DNAJC3: variants seen among roughly 807,000 people sequenced by gnomAD.
DNAJC3 encodes DnaJ heat shock protein family (Hsp40) member C3.
DNAJC3 carries 38 observed loss-of-function variants against 68.6 expected under a neutral mutation model. The observed-to-expected ratio is 0.55, with a 90% CI of 0.43 to 0.73. The LOEUF (loss-of-function observed/expected upper bound fraction) is 0.73. Among genes scored for constraint, DNAJC3 ranks in the 30% least tolerant of loss-of-function variants. The pLI is 0.00. For synonymous variants in DNAJC3, 203 were observed against 204.0 expected (o/e 1.00, Z 0.04); for missense variants, 526 against 591.9 (o/e 0.89, Z 1.16).
At chr13:95,742,488 A>T in intron 4 of DNAJC3, 1 of 416,754 alleles carries the variant, frequency 2.4e-6, no homozygotes, top group South Asian at 1.9e-5. Flanking sequence ...GGTTGAGAGG[A>T]TCTCCAGCTA....
intron 1 of DNAJC3, chr13:95,693,134 T>C (rs1440935777): frequency 6.6e-6 from 1 of 152,206 alleles, no homozygotes; most frequent in Non-Finnish European, 1.5e-5. Context: ...CCATGCCTTT[T>C]TTAAAGCTAT....
chr13:95,739,916 TTC>T (rs1882068053), intron 4 of DNAJC3, among the ~76,000 whole-genome samples: 1 of 152,186 alleles, frequency 6.6e-6, no homozygotes, highest in Non-Finnish European at 1.5e-5. Flanking sequence ...AGTTTTTCTG[TTC>T]TGTTTTTTCC....
chr13:95,753,661 C>T (rs1485537766), intron 4 of DNAJC3, among the ~76,000 whole-genome samples: 1 of 152,146 alleles, frequency 6.6e-6, no homozygotes, highest in Non-Finnish European at 1.5e-5. Context: ...GGACCTTAAT[C>T]ACTGTAACTT....
chr13:95,790,792 C>CAACAAA, intron 11 of DNAJC3, 81 bp from the exon 12 acceptor site: 1 of 1,416,378 alleles, frequency 7.1e-7, no homozygotes, highest in Non-Finnish European at 9.6e-7. Context: ...CCCACCCACC[C>CAACAAA]TCCTCTGCCC....
At chr13:95,764,872 T>C (rs948118815) in intron 9 of DNAJC3, among the ~76,000 whole-genome samples, 2 of 151,516 alleles carry the variant, frequency 1.3e-5, no homozygotes, top group African/African-American at 4.8e-5. Flanking sequence ...ATTGCAAATA[T>C]TTTGTTTCAA....
At chr13:95,722,473 A>G (rs916509977) in intron 2 of DNAJC3, among the ~76,000 whole-genome samples, 1 of 152,032 alleles carries the variant, frequency 6.6e-6, no homozygotes, top group Admixed American at 6.6e-5. Flanking sequence ...TGCATACTTA[A>G]CAAAAGTTAT....
chr13:95,779,684 A>G (rs944215006), intron 9 of DNAJC3, among the ~76,000 whole-genome samples: 3 of 151,848 alleles, frequency 2.0e-5, no homozygotes, highest in Non-Finnish European at 4.4e-5. Context: ...CCTCCTCGTC[A>G]TCTGGTCTCT....
intron 10 of DNAJC3, 124 bp from the exon 11 acceptor site, chr13:95,786,883 T>C (rs1263710790): frequency 4.3e-6 from 5 of 1,150,456 alleles, no homozygotes; most frequent in Non-Finnish European, 6.1e-6. Context: ...TGTGATACCA[T>C]TGGAACTATT....
At chr13:95,789,068 G>T (rs182654552) in intron 11 of DNAJC3, among the ~76,000 whole-genome samples, 1 of 152,200 alleles carries the variant, frequency 6.6e-6, no homozygotes, top group African/African-American at 2.4e-5. Context: ...AGAGAGCAAA[G>T]CGAGACTTGG....
At chr13:95,740,610 A>G in intron 4 of DNAJC3, among the ~76,000 whole-genome samples, 1 of 152,126 alleles carries the variant, frequency 6.6e-6, no homozygotes, top group Non-Finnish European at 1.5e-5. Flanking sequence ...TTGACTCAGA[A>G]AGGGAACTCC....
chr13:95,737,561 T>C (rs1881967549), intron 4 of DNAJC3, among the ~76,000 whole-genome samples: 1 of 152,072 alleles, frequency 6.6e-6, no homozygotes, highest in South Asian at 2.1e-4. Context: ...AGAGTGTATG[T>C]GTCCAGGAAT....
At chr13:95,691,196 ACC>A (rs533780086) in intron 1 of DNAJC3, among the ~76,000 whole-genome samples, 2 of 137,834 alleles carry the variant, frequency 1.5e-5, no homozygotes, top group Non-Finnish European at 3.1e-5. Flanking sequence ...CAGGCGGCTG[ACC>A]CCCCCACCTC....
chr13:95,709,444 A>ATTT, intron 2 of DNAJC3, 107 bp downstream of exon 2: 1 of 770,490 alleles, frequency 1.3e-6, no homozygotes, highest in Non-Finnish European at 2.0e-6. Flanking sequence ...ATGTTTAAAT[A>ATTT]AAACATTTAA....
In DNAJC3 at chr13:95,678,246, T is replaced by C. The variant is rs548577256; in HGVS notation, c.82+909T>C. ...CATCACATGCACTGATCTATTTTCATCCCCATAAAAAGGGCTAGTTGTCAA... is the reference window on the plus strand; with the variant it reads ...CATCACATGCACTGATCTATTTTCACCCCCATAAAAAGGGCTAGTTGTCAA... On this transcript the variant is annotated intron_variant, in intron 1 of 11. Coordinates refer to ENST00000602402, the MANE Select transcript of DNAJC3 (RefSeq NM_006260.5). 1.5e-3 allele frequency among the ~76,000 whole-genome samples: 235 copies of C among 152,268 alleles called. 1 individual carries two copies. Among genetic ancestry groups the C allele is most frequent in the African/African-American group, 5.5e-3 (229 of 41,544 alleles).
chr13:95,737,129 A>G (rs1157139058), intron 4 of DNAJC3, among the ~76,000 whole-genome samples: 1 of 149,562 alleles, frequency 6.7e-6, no homozygotes, highest in Non-Finnish European at 1.5e-5. Flanking sequence ...ACATTTATTG[A>G]TTTGCGTATA....
At chr13:95,788,359 C>T (rs571550332) in intron 11 of DNAJC3, among the ~76,000 whole-genome samples, 17 of 152,304 alleles carry the variant, frequency 1.1e-4, no homozygotes, top group African/African-American at 2.9e-4. Flanking sequence ...CTTTGTGCTA[C>T]GTTTTAAGGT....
chr13:95,685,375 GA>G (rs1880046297), intron 1 of DNAJC3, among the ~76,000 whole-genome samples: 1 of 152,206 alleles, frequency 6.6e-6, no homozygotes, highest in Non-Finnish European at 1.5e-5. Flanking sequence ...TACCCTTTTG[GA>G]ATGGGACTAT....
Position 95,785,872 on chromosome 13 carries a change from A to T in DNAJC3, c.1076-67A>T, listed in dbSNP as rs539349221. ...GGATGACGACTTTAGCATCAATTTT[A>T]CAGGATAAGAAAAGGCAATAAATTA... On this transcript the variant is annotated intron_variant, in intron 9 of 11. Transcript: ENST00000602402. The T allele has an allele frequency of 1.3e-5, 19 of 1,432,686 alleles. No homozygotes were observed. In the African/African-American group the frequency reaches 2.3e-4, roughly 18 times the overall value. 88.7% of individuals were successfully genotyped at this position (1,432,686 alleles called of 1,614,324 possible). A position where few individuals can be genotyped will look rare whatever the true frequency, so the allele number is the denominator to read the frequency against.
chr13:95,715,257 G>A (rs1270230467), intron 2 of DNAJC3, among the ~76,000 whole-genome samples: 1 of 152,120 alleles, frequency 6.6e-6, no homozygotes, highest in Non-Finnish European at 1.5e-5. Flanking sequence ...AACAAAATTA[G>A]CCAGGCATGG....
Sources: allele counts gnomAD v4.1 joint callset (sites outside exome capture counted in the v4.1 genomes callset), GRCh38; gene constraint gnomAD v4.1.1; transcripts MANE v1.5; gene names NCBI Gene and HGNC (gene_info 2026-07-23, HGNC 2026-07-21).